The following ATP2B2 variants were observed in gnomAD, a reference collection of about 807,000 sequenced individuals.
The protein encoded by ATP2B2 is ATPase plasma membrane Ca2+ transporting 2.
Under a neutral mutation model 120.0 loss-of-function variants are expected in ATP2B2, and 15 were observed. The observed-to-expected ratio is 0.12, with a 90% CI of 0.08 to 0.19. ATP2B2 has a LOEUF of 0.19. Among genes scored for constraint, ATP2B2 ranks in the 10% least tolerant of loss-of-function variants. ATP2B2 has a pLI of 1.00. For synonymous variants in ATP2B2, 694 were observed against 700.3 expected, an observed-to-expected ratio of 0.99 and a Z score of 0.14; for missense variants, 1,045 against 1,719.8, an observed-to-expected ratio of 0.61 and a Z score of 6.94.
At chr3:10,606,945 GGAGAGGGGGA>G (rs1378931101) in intron 2 of ATP2B2, among the ~76,000 whole-genome samples, 4,236 of 77,102 alleles carry the variant, frequency 0.055, 123 homozygotes, top group South Asian at 0.063. Context: ...AGAGGGAGAG[GGAGAGGGGGA>G]GGGGGGGAGA....
chr3:10,421,855 T>C (rs2062991979), intron 2 of ATP2B2, among the ~76,000 whole-genome samples: 2 of 152,226 alleles, frequency 1.3e-5, no homozygotes, highest in Non-Finnish European at 2.9e-5. Context: ...TGTCGACTTA[T>C]TTAGTTAGTC....
At chr3:10,524,456 G>A (rs1466642955) in intron 3 of ATP2B2, among the ~76,000 whole-genome samples, 2 of 152,146 alleles carry the variant, frequency 1.3e-5, no homozygotes, top group African/African-American at 4.8e-5. Flanking sequence ...AAAGTCACAT[G>A]ACCGGTAAGT....
At chr3:10,630,701 A>C (rs1462567661) in intron 1 of ATP2B2, among the ~76,000 whole-genome samples, 1 of 152,184 alleles carries the variant, frequency 6.6e-6, no homozygotes, top group Non-Finnish European at 1.5e-5. Context: ...TATTGTTATT[A>C]ATACTCTGCA....
intron 1 of ATP2B2, among the ~76,000 whole-genome samples, chr3:10,682,732 C>G (rs558390404): frequency 8.5e-5 from 13 of 152,260 alleles, no homozygotes; most frequent in Admixed American, 5.9e-4. Context: ...CCCAAATCCT[C>G]CATATCTAGT....
chr3:10,503,850 G>A (rs116281604), intron 1 of ATP2B2, among the ~76,000 whole-genome samples: 3,189 of 152,340 alleles, frequency 0.021, 83 homozygotes, highest in African/African-American at 0.07. Flanking sequence ...GCTTTCCCGT[G>A]TTAGTGCTAC....
At chr3:10,464,013 C>T (rs1006219702) in intron 1 of ATP2B2, among the ~76,000 whole-genome samples, 1 of 152,088 alleles carries the variant, frequency 6.6e-6, no homozygotes, top group Non-Finnish European at 1.5e-5. Context: ...AAGCCCCAGA[C>T]CCCAGACCCC....
intron 1 of ATP2B2, among the ~76,000 whole-genome samples, chr3:10,479,953 G>A (rs1219271647): frequency 6.6e-6 from 1 of 152,168 alleles, no homozygotes; most frequent in East Asian, 1.9e-4. Context: ...AAATTAGCCA[G>A]GCGTGGTGGT....
rs1431532875 is a variant in ATP2B2 at position 10,346,201 on chromosome 3, C to T, written c.2405-64G>A. 1 of 1,545,144 alleles carries T rather than the reference C, an allele frequency of 6.5e-7. No homozygotes were observed. Among genetic ancestry groups the T allele is most frequent in the African/African-American group, 1.4e-5 (1 of 73,772 alleles). On this transcript the variant is annotated intron_variant, in intron 16 of 22. Transcript: ENST00000360273. This position sits in a 1 kb window ranked among gnomAD's most constrained non-coding sequence, Gnocchi z 4.1. Reference sequence around the variant, plus strand: ...AGGTGGGAGGCAGCCTGGGCCAGCCCTGGTCCTCGGGAGGGGCCTGGCTGG... The same window carrying T: ...AGGTGGGAGGCAGCCTGGGCCAGCCTTGGTCCTCGGGAGGGGCCTGGCTGG...
chr3:10,410,322 G>A (rs2062565085), intron 3 of ATP2B2, among the ~76,000 whole-genome samples: 1 of 152,184 alleles, frequency 6.6e-6, no homozygotes, highest in Non-Finnish European at 1.5e-5. Context: ...TACCTCAGGG[G>A]GTTGTCAGGG....
chr3:10,573,090 G>C (rs2068163307), intron 2 of ATP2B2, among the ~76,000 whole-genome samples: 1 of 151,376 alleles, frequency 6.6e-6, no homozygotes, highest in African/African-American at 2.4e-5. Context: ...TTGACACAAT[G>C]ATAATGAGAT....
intron 1 of ATP2B2, chr3:10,626,550 T>A (rs539355684): frequency 6.7e-6 from 1 of 150,340 alleles, no homozygotes; most frequent in Non-Finnish European, 1.5e-5. Flanking sequence ...GAGATACAGA[T>A]GGAGAGAGAA....
In ATP2B2 at chr3:10,326,086, G is replaced by A. The variant is rs2059852404; in HGVS notation, c.*2728C>T. ...AGTATTAAATGAACAGAGATGGTGA[G>A]TTCTTTATTTACATTATTGTCTAGA... is the stretch of plus-strand genomic sequence containing the variant. On this transcript the variant is annotated 3_prime_UTR_variant, in exon 23 of 23. Coordinates refer to ENST00000360273, the MANE Select transcript of ATP2B2 (RefSeq NM_001001331.4). 9.3e-5 allele frequency: 1 copy of A among 10,740 alleles called. No individual in the cohort carries two copies. Among genetic ancestry groups the A allele is most frequent in the African/African-American group, 4.6e-4 (1 of 2,182 alleles). The allele number at this position is 10,740 out of a possible 1,614,324, so 0.7% of individuals were successfully genotyped here.
chr3:10,338,825 G>A (rs141740308), intron 21 of ATP2B2: 129 of 212,614 alleles, frequency 6.1e-4, no homozygotes, highest in African/African-American at 2.9e-3. Context: ...AGCCTGGCCC[G>A]TGGCTGGCCC....
chr3:10,392,694 C>A (rs185375537), intron 5 of ATP2B2, among the ~76,000 whole-genome samples: 65 of 152,282 alleles, frequency 4.3e-4, no homozygotes, highest in Admixed American at 1.2e-3. Context: ...AATACAAGCA[C>A]GGGGAGGGGT....
At chr3:10,336,150 G>A in intron 22 of ATP2B2, 1 of 1,550,644 alleles carries the variant, frequency 6.4e-7, no homozygotes, top group Non-Finnish European at 8.7e-7. Flanking sequence ...GCAGGAGGAA[G>A]GCTGGTCGGA....
chr3:10,669,216 C>A (rs753030833), intron 1 of ATP2B2, among the ~76,000 whole-genome samples: 8 of 152,072 alleles, frequency 5.3e-5, no homozygotes, highest in Admixed American at 2.6e-4. Flanking sequence ...CCAGGCAGGA[C>A]ATGAATGGCG....
chr3:10,426,828 C>A (rs2125085372), intron 2 of ATP2B2, among the ~76,000 whole-genome samples: 1 of 148,472 alleles, frequency 6.7e-6, no homozygotes, highest in South Asian at 2.2e-4. Flanking sequence ...GAAATAGATT[C>A]CTCCTCAGGG....
At chr3:10,703,603 G>A (rs2071852702) in intron 1 of ATP2B2, among the ~76,000 whole-genome samples, 2 of 152,154 alleles carry the variant, frequency 1.3e-5, no homozygotes. Context: ...CTTTTAGCCC[G>A]CACAGCCATT....
intron 1 of ATP2B2, among the ~76,000 whole-genome samples, chr3:10,684,564 G>C (rs1415619857): frequency 2.6e-5 from 4 of 152,204 alleles, no homozygotes; most frequent in African/African-American, 9.7e-5. Flanking sequence ...TATCTATTTA[G>C]TAGCCACTCC....
Sources: allele counts gnomAD v4.1 joint callset (sites outside exome capture counted in the v4.1 genomes callset), GRCh38; gene constraint gnomAD v4.1.1; non-coding constraint Gnocchi (gnomAD v3.1); transcripts MANE v1.5; gene names NCBI Gene and HGNC (gene_info 2026-07-23, HGNC 2026-07-21).